The following PAQR5 variants were observed in gnomAD, a reference collection of about 807,000 sequenced individuals.
The protein encoded by PAQR5 is progestin and adipoQ receptor family member 5, also known as membrane progestin receptor gamma.
Under a neutral mutation model 34.5 loss-of-function variants are expected in PAQR5, and 20 were observed. That is an observed-to-expected ratio of 0.58 (90% CI 0.41 to 0.84). PAQR5 has a LOEUF of 0.84. Among genes scored for constraint, PAQR5 ranks in the 40% least tolerant of loss-of-function variants. PAQR5 has a pLI of 0.00. For missense variants in PAQR5, 378 were observed against 412.7 expected (o/e 0.92, Z 0.73); for synonymous variants, 131 against 155.6 (o/e 0.84, Z 1.18).
intron 3 of PAQR5, among the ~76,000 whole-genome samples, chr15:69,372,729 C>T (rs902982503): frequency 5.3e-5 from 8 of 152,108 alleles, no homozygotes; most frequent in African/African-American, 9.7e-5. Context: ...TGTGTGTAAG[C>T]GATGTTTTAT....
rs200857504 is a variant in PAQR5 at position 69,389,789 on chromosome 15, C to T, written c.512+9C>T. The T allele has an allele frequency of 2.1e-4, 334 of 1,613,796 alleles. 1 individual carries two copies. In the Middle Eastern group the frequency reaches 3.8e-3, roughly 18 times the overall value. ...CTCTCCTGCTACTCCAGGTACTGGT[C>T]GCTCTGACCTCAGATGGGAGGGGAG... On this transcript the variant is annotated intron_variant, in intron 6 of 8. Transcript: ENST00000395407.
At chr15:69,380,564 G>A (rs1208152121) in intron 4 of PAQR5, among the ~76,000 whole-genome samples, 1 of 152,216 alleles carries the variant, frequency 6.6e-6, no homozygotes, top group Non-Finnish European at 1.5e-5. Context: ...GATGGAGCCA[G>A]CTAAGAGCAA....
intron 8 of PAQR5, among the ~76,000 whole-genome samples, chr15:69,402,922 T>G (rs1346699344): frequency 6.6e-6 from 1 of 152,228 alleles, no homozygotes. Context: ...TCTACTGGGC[T>G]CCCAGCCTCT....
chr15:69,405,147 G>A lies in PAQR5; in HGVS notation c.*1325G>A. ...ACTGATTAAAGTTCAGTATTTCATG[G>A]TGTTTTCAGGGAACACAGAAATGCG... On this transcript the variant is annotated 3_prime_UTR_variant, in exon 9 of 9. Transcript: ENST00000395407. 5.0e-6 allele frequency: 2 copies of A among 396,140 alleles called. No individual in the cohort carries two copies. Among genetic ancestry groups the A allele is most frequent in the Non-Finnish European group, 8.9e-6 (2 of 224,880 alleles). 24.5% of individuals were successfully genotyped at this position (396,140 alleles called of 1,614,324 possible). A position where few individuals can be genotyped will look rare whatever the true frequency, so the allele number is the denominator to read the frequency against.
At chr15:69,395,534 GCA>G (rs997172795) in intron 6 of PAQR5, among the ~76,000 whole-genome samples, 1 of 152,216 alleles carries the variant, frequency 6.6e-6, no homozygotes, top group African/African-American at 2.4e-5. Flanking sequence ...ACTGTGCCAT[GCA>G]CAGTTCTAAA....
chr15:69,343,610 C>T (rs920104764), intron 2 of PAQR5, among the ~76,000 whole-genome samples: 1 of 152,180 alleles, frequency 6.6e-6, no homozygotes, highest in African/African-American at 2.4e-5. Flanking sequence ...CAATAACTGT[C>T]TTTCATCAAT....
At chr15:69,380,774 C>T (rs1183256978) in intron 4 of PAQR5, among the ~76,000 whole-genome samples, 1 of 152,228 alleles carries the variant, frequency 6.6e-6, no homozygotes, top group Non-Finnish European at 1.5e-5. Flanking sequence ...GCCACTGTCC[C>T]ACTCAGACCA....
In PAQR5 at chr15:69,384,666, C is replaced by CT. The variant is rs750039300; in HGVS notation, c.180-10dup. 35 of 1,607,384 alleles carry CT rather than the reference C, an allele frequency of 2.2e-5. No individual in the cohort carries two copies. In the South Asian group the frequency reaches 3.4e-4, roughly 16 times the overall value. ...TCATGGTGGAGGGTGAGTGAGCCCT[C>CT]TGTGTTCCAGGTTCTTTGCATGGAG... is the stretch of plus-strand genomic sequence containing the variant. On this transcript the variant is annotated splice_polypyrimidine_tract_variant and intron_variant, in intron 4 of 8. Transcript: ENST00000395407.
intron 2 of PAQR5, among the ~76,000 whole-genome samples, chr15:69,351,491 C>T (rs568062761): frequency 6.6e-6 from 1 of 152,368 alleles, no homozygotes; most frequent in African/African-American, 2.4e-5. Flanking sequence ...TTTTCTCCAA[C>T]CCTGTCTATA....
intron 1 of PAQR5, among the ~76,000 whole-genome samples, chr15:69,314,216 A>G (rs2053891680): frequency 6.6e-6 from 1 of 152,124 alleles, no homozygotes; most frequent in South Asian, 2.1e-4. Flanking sequence ...GGAAAAAAAA[A>G]AAGGAAATTG....
chr15:69,349,940 C>G (rs900241682), intron 2 of PAQR5, among the ~76,000 whole-genome samples: 1 of 152,086 alleles, frequency 6.6e-6, no homozygotes, highest in African/African-American at 2.4e-5. Context: ...CGGTGCCCAG[C>G]CTTCCCTTAG....
intron 2 of PAQR5, among the ~76,000 whole-genome samples, chr15:69,342,645 G>A (rs780661846): frequency 6.6e-6 from 1 of 152,140 alleles, no homozygotes; most frequent in Non-Finnish European, 1.5e-5. Flanking sequence ...TGGAGGTGGT[G>A]AGGACTGCTG....
At chr15:69,358,722 CCTGGG>C (rs2055149351) in intron 2 of PAQR5, among the ~76,000 whole-genome samples, 1 of 144,012 alleles carries the variant, frequency 6.9e-6, no homozygotes, top group Non-Finnish European at 1.5e-5. Flanking sequence ...GCCTTGACCT[CCTGGG>C]CTGAAGTGAT....
chr15:69,355,288 T>TTTTCTTTC (rs202025030), intron 2 of PAQR5, among the ~76,000 whole-genome samples: 8 of 135,834 alleles, frequency 5.9e-5, no homozygotes, highest in African/African-American at 2.3e-4. Context: ...TCTTTCTTTC[T>TTTTCTTTC]TTTCTTTCTT....
intron 2 of PAQR5, among the ~76,000 whole-genome samples, chr15:69,339,589 C>T (rs1332096274): frequency 6.6e-6 from 1 of 152,168 alleles, no homozygotes; most frequent in African/African-American, 2.4e-5. Context: ...TCTCATGCCT[C>T]AGCTTCCCAA....
Position 69,404,750 on chromosome 15 carries a change from T to C in PAQR5, c.*928T>C. 2.5e-6 allele frequency: 1 copy of C among 394,452 alleles called. No individual in the cohort carries two copies. 24.4% of individuals were successfully genotyped at this position (394,452 alleles called of 1,614,324 possible). On this transcript the variant is annotated 3_prime_UTR_variant, in exon 9 of 9. Coordinates refer to ENST00000395407, the MANE Select transcript of PAQR5 (RefSeq NM_017705.4). ...CCATATGCATAAGAAGTTAATCACC[T>C]TGCCAGTGGGGTGGTCACATATAGT... is the stretch of plus-strand genomic sequence containing the variant.
chr15:69,358,349 G>A (rs1429504713), intron 2 of PAQR5, among the ~76,000 whole-genome samples: 1 of 152,082 alleles, frequency 6.6e-6, no homozygotes, highest in African/African-American at 2.4e-5. Flanking sequence ...TGGTTCTTTT[G>A]TGTGTCTCAG....
chr15:69,323,935 T>A (rs745926733), intron 1 of PAQR5, among the ~76,000 whole-genome samples: 2 of 152,142 alleles, frequency 1.3e-5, no homozygotes, highest in Non-Finnish European at 2.9e-5. Flanking sequence ...TTACCACAGA[T>A]CTGTACCATT....
At chr15:69,322,140 A>T (rs952261764) in intron 1 of PAQR5, among the ~76,000 whole-genome samples, 5 of 147,226 alleles carry the variant, frequency 3.4e-5, no homozygotes, top group African/African-American at 1.3e-4. Context: ...AGCCTGGGCA[A>T]CATAGTGAGA....
Sources: allele counts gnomAD v4.1 joint callset (sites outside exome capture counted in the v4.1 genomes callset), GRCh38; gene constraint gnomAD v4.1.1; transcripts MANE v1.5; gene names NCBI Gene and HGNC (gene_info 2026-07-23, HGNC 2026-07-21).